PANX2: variants seen among roughly 807,000 people sequenced by gnomAD.
The protein encoded by PANX2 is pannexin 2.
In PANX2, 30 loss-of-function variants were observed where a neutral mutation model predicts 38.7. The ratio of observed to expected loss-of-function variants is 0.78; its 90% CI spans 0.58 to 1.05. The LOEUF is 1.05. Among genes scored for constraint, PANX2 ranks in the 50% least tolerant of loss-of-function variants. PANX2 has a pLI of 0.00. For missense variants in PANX2, 880 were observed against 979.3 expected (o/e 0.90, Z 1.35); for synonymous variants, 539 against 472.1 (o/e 1.14, Z -1.84).
In PANX2 at chr22:50,178,328, C is replaced by G. The variant is rs2063677207; in HGVS notation, c.1616C>G (p.Ser539Cys). ...GCGGTGCCCGCCGCCCTGCCCGCCT[C>G]CCGGAGCCAGGAGGGGGGCTTCCTG... is the stretch of plus-strand genomic sequence containing the variant. Reference protein sequence around the residue: ...AEAVPAALPASRSQEGGFLSQ... With the variant: ...AEAVPAALPACRSQEGGFLSQ... The change falls in exon 2 of 3, where the codon TCC (serine) becomes TGC (cysteine). Residue 539 changes from serine to cysteine, a missense_variant. Ser to Cys is a moderately radical substitution (Grantham distance 112). This residue lies in a region of PANX2 where 445 missense variants were observed against 404.3 expected (regional missense o/e 1.10). Transcript: ENST00000395842. 4.0e-6 allele frequency: 6 copies of G among 1,507,190 alleles called. No individual in the cohort carries two copies. The highest frequency in any genetic ancestry group is 1.4e-5 in the African/African-American group (1 of 69,128). The allele number at this position is 1,507,190 out of a possible 1,614,324, so 93.4% of individuals were successfully genotyped here.
At chr22:50,176,524 C>T (rs1241007582) in intron 1 of PANX2, among the ~76,000 whole-genome samples, 2 of 152,240 alleles carry the variant, frequency 1.3e-5, no homozygotes, top group Non-Finnish European at 2.9e-5. Context: ...CCGGGCTGTA[C>T]ACGGCCTGTG....
Position 50,177,440 on chromosome 22 carries a change from C to CCT in PANX2, c.729_730dup (p.Tyr244SerfsTer35). On this transcript the variant is annotated frameshift_variant, in exon 2 of 3. Coordinates refer to ENST00000395842, the MANE Select transcript of PANX2 (RefSeq NM_052839.4). LOFTEE classifies it high-confidence loss of function. ...CTGCTGCTGAGCGCCGTGCCCATCT[C>CCT]CTACCTGTGCACCTACTACGCCACG... 1 of 1,608,778 alleles carries CCT rather than the reference C, an allele frequency of 6.2e-7. No homozygotes were observed.
rs745801445 is a variant in PANX2, at chr22:50,178,051, C to T, written c.1339C>T (p.Leu447=). The T allele has an allele frequency of 2.0e-5, 31 of 1,553,168 alleles. No homozygotes were observed. The highest frequency in any genetic ancestry group is 2.6e-5 in the Non-Finnish European group (30 of 1,156,604). Residue 447 remains leucine (L), a synonymous_variant, in exon 2 of 3, where the codon CTG becomes TTG. Coordinates refer to ENST00000395842, the MANE Select transcript of PANX2 (RefSeq NM_052839.4). ...NPLPQPFKEP[L]AIMRVENSKA... ...GCTTCCGCAGCCCTTCAAGGAGCCG[C>T]TGGCCATCATGCGCGTGGAGAACAG...
rs1487991903 is a variant in PANX2 at position 50,178,205 on chromosome 22, C to T, written c.1493C>T (p.Ala498Val). Residue 498 changes from alanine (A) to valine (V), a missense_variant, in exon 2 of 3, where the codon GCC (alanine) becomes GTC (valine). Ala to Val is a moderately conservative substitution (Grantham distance 64). Coordinates refer to ENST00000395842, the MANE Select transcript of PANX2 (RefSeq NM_052839.4). Reference sequence around the variant, plus strand: ...GACCCGGGCCCCGGCCCCGCCCCTGCCCCCGCCCCGCCGCCCGCCCCTGAC... The same window carrying T: ...GACCCGGGCCCCGGCCCCGCCCCTGTCCCCGCCCCGCCGCCCGCCCCTGAC... ...GGDPGPGPAP[A>V]PAPPPAPDKK... 2.9e-6 allele frequency: 4 copies of T among 1,382,488 alleles called. No individual in the cohort carries two copies. Among genetic ancestry groups the T allele is most frequent in the Non-Finnish European group, 3.8e-6 (4 of 1,048,150 alleles). 85.6% of individuals were successfully genotyped at this position (1,382,488 alleles called of 1,614,324 possible).
intron 1 of PANX2, 150 bp from the exon 2 acceptor site, chr22:50,176,789 T>C: frequency 1.3e-6 from 1 of 786,292 alleles, no homozygotes; most frequent in Non-Finnish European, 1.9e-6. Context: ...GGGGGTGGGG[T>C]TCATCTGGGC....
At chr22:50,176,254 T>C (rs1289030493) in intron 1 of PANX2, among the ~76,000 whole-genome samples, 1 of 152,254 alleles carries the variant, frequency 6.6e-6, no homozygotes, top group Non-Finnish European at 1.5e-5. Context: ...CAGAGTTCAG[T>C]AACGACCATT....
chr22:50,177,560 C>T lies in PANX2; in HGVS notation c.848C>T (p.Ser283Phe), dbSNP rs889223354. The T allele has an allele frequency of 2.5e-6, 4 of 1,612,386 alleles. No homozygotes were observed. The highest frequency in any genetic ancestry group is 4.5e-5 in the East Asian group (2 of 44,872). ...GTGCGCGTGAGCTGCAAGCTCCCGT[C>T]CGTGCAACTGCAGCGCATCATCGCG... is the stretch of plus-strand genomic sequence containing the variant. The part of the protein sequence containing the change: ...PAVRVSCKLP[S>F]VQLQRIIAGV... Residue 283 changes from serine (S) to phenylalanine (F), a missense_variant, in exon 2 of 3, where the codon TCC becomes TTC. Coordinates refer to ENST00000395842, the MANE Select transcript of PANX2 (RefSeq NM_052839.4).
chr22:50,171,292 G>A (rs1378625413), intron 1 of PANX2, among the ~76,000 whole-genome samples: 2 of 152,210 alleles, frequency 1.3e-5, no homozygotes, highest in African/African-American at 2.4e-5. Flanking sequence ...CTGAGGGGAT[G>A]CAGGGTGGCC....
rs2063687632 is a variant in PANX2, at chr22:50,179,580, C to T, written c.*303C>T. The T allele has an allele frequency of 4.7e-6, 2 of 424,788 alleles. No individual in the cohort carries two copies. The highest frequency in any genetic ancestry group is 8.5e-6 in the Non-Finnish European group (2 of 235,582). The allele number at this position is 424,788 out of a possible 1,614,324, so 26.3% of individuals were successfully genotyped here. Reference sequence around the variant, plus strand: ...TCAGGTGCCCAGCCGTGGGTGGGGGCCCTGAGGTGAAGAGTTTATTTTTTT... The same window carrying T: ...TCAGGTGCCCAGCCGTGGGTGGGGGTCCTGAGGTGAAGAGTTTATTTTTTT... On this transcript the variant is annotated 3_prime_UTR_variant, in exon 3 of 3. Coordinates refer to ENST00000395842, the MANE Select transcript of PANX2 (RefSeq NM_052839.4).
Position 50,178,050 on chromosome 22 carries a change from G to T in PANX2, c.1338G>T (p.Pro446=), listed in dbSNP as rs774095424. The change falls in exon 2 of 3, where the codon CCG becomes CCT. Residue 446 remains proline (P), a synonymous_variant. Coordinates refer to ENST00000395842, the MANE Select transcript of PANX2 (RefSeq NM_052839.4). ...CGCTTCCGCAGCCCTTCAAGGAGCC[G>T]CTGGCCATCATGCGCGTGGAGAACA... The part of the protein sequence containing the change: ...SNPLPQPFKE[P]LAIMRVENSK... The T allele has an allele frequency of 1.9e-5, 30 of 1,552,072 alleles. No homozygotes were observed. The highest frequency in any genetic ancestry group is 2.6e-5 in the Non-Finnish European group (30 of 1,156,182).
Position 50,179,742 on chromosome 22 carries a change from C to A in PANX2, c.*465C>A. 1 of 170,452 alleles carries A rather than the reference C, an allele frequency of 5.9e-6. No homozygotes were observed. The highest frequency in any genetic ancestry group is 1.3e-5 in the Non-Finnish European group (1 of 78,528). The allele number at this position is 170,452 out of a possible 1,614,324, so 10.6% of individuals were successfully genotyped here. ...GTGGCCACGCCCATGGGGTCACATG[C>A]TCAGGGGTCACCCCCTGCAGGGACC... On this transcript the variant is annotated 3_prime_UTR_variant, in exon 3 of 3. Transcript: ENST00000395842.
rs369797987 is a variant in PANX2 at position 50,177,958 on chromosome 22, G to A, written c.1246G>A (p.Gly416Ser). Residue 416 changes from glycine to serine, a missense_variant, in exon 2 of 3, where the codon GGC becomes AGC. By Grantham distance (56) the Gly-to-Ser change is moderately conservative. Around this residue, in one of 4 missense-constraint regions of PANX2, gnomAD observed 445 missense variants for 404.3 expected, o/e 1.10. Coordinates refer to ENST00000395842, the MANE Select transcript of PANX2 (RefSeq NM_052839.4). The stretch of plus-strand genomic sequence containing the variant: ...CAGCGCCAACCCCGCCGAGCCCGAC[G>A]GCGCCGCCGAGCCGCCCGTGGTCAA... The part of the protein sequence containing the change: ...DPSANPAEPD[G>S]AAEPPVVKRP... 28 of 1,533,138 alleles carry A rather than the reference G, an allele frequency of 1.8e-5. No homozygotes were observed. The highest frequency in any genetic ancestry group is 2.4e-5 in the Non-Finnish European group (28 of 1,144,390). The allele number at this position is 1,533,138 out of a possible 1,614,324, so 95.0% of individuals were successfully genotyped here.
At position 50,177,314 on chromosome 22, in the gene PANX2, A is replaced by G. The variant is rs2063666974; in HGVS notation, c.602A>G (p.Lys201Arg). 5 of 1,611,318 alleles carry G rather than the reference A, an allele frequency of 3.1e-6. No individual in the cohort carries two copies. The highest frequency in any genetic ancestry group is 4.2e-6 in the Non-Finnish European group (5 of 1,179,388). The change falls in exon 2 of 3, where the codon AAG (lysine) becomes AGG (arginine). Residue 201 changes from lysine to arginine, a missense_variant. Transcript: ENST00000395842. ...CGCGAGATCATCGAGAACGCGGAGA[A>G]GGAGAAGAGCCCGGAGCAGAACCTG... ...EKREIIENAE[K>R]EKSPEQNLFE...
chr22:50,175,730 C>T (rs560598957), intron 1 of PANX2, among the ~76,000 whole-genome samples: 2 of 152,314 alleles, frequency 1.3e-5, no homozygotes, highest in East Asian at 3.9e-4. Flanking sequence ...GTAGATGTGC[C>T]TCAGTGGTGA....
At chr22:50,173,708 G>A (rs559398905) in intron 1 of PANX2, among the ~76,000 whole-genome samples, 1 of 152,344 alleles carries the variant, frequency 6.6e-6, no homozygotes, top group African/African-American at 2.4e-5. Context: ...TAAAACGAAG[G>A]TGTCAGCAGG....
Position 50,178,067 on chromosome 22 carries a change from T to A in PANX2, c.1355T>A (p.Val452Glu). ...AAGGAGCCGCTGGCCATCATGCGCG[T>A]GGAGAACAGCAAGGCGGAGAAGCCG... ...PFKEPLAIMR[V>E]ENSKAEKPKP... The change falls in exon 2 of 3, where the codon GTG becomes GAG. Residue 452 changes from valine (V) to glutamate (E), a missense_variant. Physicochemically the swap from Val to Glu is moderately radical, Grantham distance 121 (BLOSUM62 -2). Transcript: ENST00000395842. 6.4e-7 allele frequency: 1 copy of A among 1,554,596 alleles called. No individual in the cohort carries two copies. Among genetic ancestry groups the A allele is most frequent in the Non-Finnish European group, 8.6e-7 (1 of 1,158,042 alleles).
intron 1 of PANX2, 62 bp downstream of exon 1, chr22:50,171,018 C>T: frequency 1.1e-6 from 1 of 885,320 alleles, no homozygotes; most frequent in Non-Finnish European, 1.6e-6. Context: ...TGTCCGGGAG[C>T]TGGCGCTTCC....
At chr22:50,178,482 T>C in intron 2 of PANX2, 80 bp downstream of exon 2, 1 of 891,886 alleles carries the variant, frequency 1.1e-6, no homozygotes, top group Non-Finnish European at 1.6e-6. Flanking sequence ...CACGGGAGCC[T>C]GGCCAGGGCG....
At position 50,177,895 on chromosome 22, in the gene PANX2, C is replaced by T. The variant is rs1194145462; in HGVS notation, c.1183C>T (p.Pro395Ser). The T allele has an allele frequency of 6.5e-7, 1 of 1,536,564 alleles. No individual in the cohort carries two copies. Among genetic ancestry groups the T allele is most frequent in the Non-Finnish European group, 8.7e-7 (1 of 1,145,392 alleles). ...GGCGCAGTCCAACCACGACGCCACC[C>T]CCACGGTGCGCGACTCGGGGGTGCA... ...ALAQSNHDAT[P>S]TVRDSGVQTV... Residue 395 changes from proline (P) to serine (S), a missense_variant, in exon 2 of 3, where the codon CCC becomes TCC. By Grantham distance (74) the Pro-to-Ser change is moderately conservative. Transcript: ENST00000395842.
Sources: gnomAD v4.1 joint callset for allele counts (sites outside exome capture counted in the v4.1 genomes callset) on GRCh38, gnomAD v4.1.1 for gene constraint, gnomAD v4.1.1 regional missense constraint, MANE v1.5 for transcripts, NCBI Gene and HGNC (gene_info 2026-07-23, HGNC 2026-07-21) for gene names.